UBE2G1: variants seen among roughly 807,000 people sequenced by gnomAD.
UBE2G1 encodes ubiquitin conjugating enzyme E2 G1, also known as ubiquitin-conjugating enzyme E2 G1.
Under a neutral mutation model 22.7 loss-of-function variants are expected in UBE2G1, and 5 were observed. That is an observed-to-expected ratio of 0.22 (90% confidence interval 0.12 to 0.46). The LOEUF is 0.46. UBE2G1 is among the 20% of genes least tolerant of loss of function. UBE2G1 has a pLI of 0.99. For synonymous variants in UBE2G1, 74 were observed against 67.5 expected, an observed-to-expected ratio of 1.10 and a Z score of -0.47; for missense variants, 88 against 203.9, an observed-to-expected ratio of 0.43 and a Z score of 3.46.
intron 2 of UBE2G1, chr17:4,302,210 T>C (rs887750937): frequency 1.4e-5 from 7 of 506,424 alleles, no homozygotes; most frequent in African/African-American, 1.4e-4. Context: ...AGGCAGCAAG[T>C]GCAATGAACA....
In UBE2G1 at chr17:4,270,714, TCACAACACACTTAC is replaced by T; in HGVS notation, c.*1826_*1839del. 6.6e-6 allele frequency: 1 copy of T among 151,974 alleles called. No homozygotes were observed. Among genetic ancestry groups the T allele is most frequent in the Non-Finnish European group, 1.5e-5 (1 of 67,998 alleles). 9.4% of individuals were successfully genotyped at this position (151,974 alleles called of 1,614,324 possible). ...TGGGTTCTAATGAATCAATTTCCAG[TCACAACACACTTAC>T]GAGTTTCTATAAGGTTTGTGGGTTT... is the stretch of plus-strand genomic sequence containing the variant. On this transcript the variant is annotated 3_prime_UTR_variant, in exon 6 of 6. Transcript: ENST00000396981.
At chr17:4,330,590 A>AGC (rs1969561879) in intron 1 of UBE2G1, among the ~76,000 whole-genome samples, 1 of 151,568 alleles carries the variant, frequency 6.6e-6, no homozygotes, top group Non-Finnish European at 1.5e-5. Flanking sequence ...ATACAAAATT[A>AGC]GCCAGGCATG....
intron 1 of UBE2G1, among the ~76,000 whole-genome samples, chr17:4,320,516 T>C (rs892321842): frequency 6.6e-6 from 1 of 152,234 alleles, no homozygotes; most frequent in African/African-American, 2.4e-5. Flanking sequence ...CCCGCATGCA[T>C]GCACTGAAAG....
chr17:4,298,905 A>AG (rs942247314), intron 2 of UBE2G1, among the ~76,000 whole-genome samples: 14 of 152,340 alleles, frequency 9.2e-5, no homozygotes, highest in African/African-American at 3.1e-4. Context: ...TGAGGGCTTG[A>AG]GGGAATAGAG....
chr17:4,343,730 T>C (rs1004922574), intron 1 of UBE2G1, among the ~76,000 whole-genome samples: 2 of 151,868 alleles, frequency 1.3e-5, no homozygotes, highest in African/African-American at 2.4e-5. Flanking sequence ...CTGGGACTAC[T>C]GGCGCCCACC....
intron 5 of UBE2G1, among the ~76,000 whole-genome samples, chr17:4,273,777 T>C (rs1968788341): frequency 6.6e-6 from 1 of 152,174 alleles, no homozygotes; most frequent in Non-Finnish European, 1.5e-5. Context: ...ACTGCATCTT[T>C]AGGTCAAGTG....
intron 1 of UBE2G1, among the ~76,000 whole-genome samples, chr17:4,354,626 AT>A (rs1463046040): frequency 6.6e-6 from 1 of 152,146 alleles, no homozygotes; most frequent in Non-Finnish European, 1.5e-5. Flanking sequence ...GGAGGGTTAG[AT>A]TGGAGAAATT....
chr17:4,337,648 G>A (rs1366314396), intron 1 of UBE2G1, among the ~76,000 whole-genome samples: 5 of 147,642 alleles, frequency 3.4e-5, no homozygotes, highest in Admixed American at 1.3e-4. Context: ...AGCGAAACTC[G>A]GTCTCAAAAA....
intron 1 of UBE2G1, among the ~76,000 whole-genome samples, chr17:4,322,567 A>C (rs950648829): frequency 6.6e-6 from 1 of 152,232 alleles, no homozygotes; most frequent in Non-Finnish European, 1.5e-5. Flanking sequence ...GGCATCTTGT[A>C]CATGATCTTC....
At chr17:4,306,959 A>G in intron 2 of UBE2G1, 62 bp downstream of exon 2, 1 of 1,494,094 alleles carries the variant, frequency 6.7e-7, no homozygotes, top group African/African-American at 1.4e-5. Context: ...CTGCCAAAAT[A>G]GTTTTTAATT....
chr17:4,322,395 C>T (rs1318229173), intron 1 of UBE2G1, among the ~76,000 whole-genome samples: 1 of 152,210 alleles, frequency 6.6e-6, no homozygotes, highest in South Asian at 2.1e-4. Context: ...TTGAACTCCT[C>T]CTCAAACTCT....
chr17:4,274,291 G>A (rs930964417), intron 5 of UBE2G1, among the ~76,000 whole-genome samples: 7 of 133,760 alleles, frequency 5.2e-5, no homozygotes, highest in East Asian at 2.3e-4. Flanking sequence ...TCCACCTCCC[G>A]GGTTCGCGCC....
intron 2 of UBE2G1, among the ~76,000 whole-genome samples, chr17:4,300,817 A>G (rs1969168789): frequency 6.6e-6 from 1 of 151,836 alleles, no homozygotes; most frequent in Non-Finnish European, 1.5e-5. Context: ...TACAAAAATT[A>G]GCCAGGCATG....
chr17:4,352,794 GC>G (rs1401657887), intron 1 of UBE2G1, among the ~76,000 whole-genome samples: 1 of 152,108 alleles, frequency 6.6e-6, no homozygotes, highest in Admixed American at 6.6e-5. Context: ...TTTGTATGAG[GC>G]CGGGCATGGT....
chr17:4,289,195 A>T, intron 4 of UBE2G1, 35 bp downstream of exon 4: 1 of 1,476,484 alleles, frequency 6.8e-7, no homozygotes, highest in Non-Finnish European at 9.0e-7. Flanking sequence ...TTACAAGGGA[A>T]AGTGAAGGGA....
chr17:4,322,983 G>T (rs1488984788), intron 1 of UBE2G1, among the ~76,000 whole-genome samples: 1 of 152,192 alleles, frequency 6.6e-6, no homozygotes, highest in African/African-American at 2.4e-5. Flanking sequence ...GCCCTGAATT[G>T]TTTGAGAGGT....
intron 1 of UBE2G1, among the ~76,000 whole-genome samples, chr17:4,308,080 G>A (rs1444445921): frequency 6.6e-5 from 10 of 152,160 alleles, no homozygotes; most frequent in African/African-American, 2.2e-4. Context: ...TTGGCCGGGC[G>A]TGGTGGCTCA....
At chr17:4,303,634 T>C (rs1041214149) in intron 2 of UBE2G1, among the ~76,000 whole-genome samples, 1 of 152,180 alleles carries the variant, frequency 6.6e-6, no homozygotes, top group African/African-American at 2.4e-5. Flanking sequence ...TTCCAAGCAA[T>C]GTAGGCACTA....
intron 1 of UBE2G1, chr17:4,345,694 G>A (rs1352508624): frequency 6.6e-6 from 1 of 152,124 alleles, no homozygotes; most frequent in Non-Finnish European, 1.5e-5. Flanking sequence ...CTGAAAAAAT[G>A]TTTACAGACT....
Sources: gnomAD v4.1 joint callset for allele counts (sites outside exome capture counted in the v4.1 genomes callset) on GRCh38, gnomAD v4.1.1 for gene constraint, MANE v1.5 for transcripts, NCBI Gene and HGNC (gene_info 2026-07-23, HGNC 2026-07-21) for gene names.